CSMD1: variants seen among roughly 807,000 people sequenced by gnomAD.
The protein encoded by CSMD1 is CUB and sushi domain-containing protein 1.
CSMD1 carries 213 observed loss-of-function variants against 417.5 expected under a neutral mutation model. That is an observed-to-expected ratio of 0.51 (90% CI 0.46 to 0.57). CSMD1 has a LOEUF of 0.57. Among genes scored for constraint, CSMD1 ranks in the 20% least tolerant of loss-of-function variants. The pLI, the probability that CSMD1 is intolerant of heterozygous loss-of-function variation, is 0.00. For missense variants in CSMD1, 6,923 were observed against 4,529.7 expected, an observed-to-expected ratio of 1.53 and a Z score of -15.17; for synonymous variants, 2,862 against 1,736.8, an observed-to-expected ratio of 1.65 and a Z score of -16.11.
chr8:4,743,044 G>C (rs996281030), intron 1 of CSMD1, among the ~76,000 whole-genome samples: 3 of 152,080 alleles, frequency 2.0e-5, no homozygotes, highest in African/African-American at 7.2e-5. Context: ...AAGTGTTTTT[G>C]TTTGTATTTT....
At chr8:4,061,232 A>T (rs1384109818) in intron 3 of CSMD1, among the ~76,000 whole-genome samples, 1 of 152,216 alleles carries the variant, frequency 6.6e-6, no homozygotes, top group Admixed American at 6.5e-5. Context: ...ATTAGAGAGG[A>T]AAGAGGAGCT....
intron 2 of CSMD1, among the ~76,000 whole-genome samples, chr8:4,524,813 G>A (rs1423589390): frequency 1.3e-5 from 2 of 151,974 alleles, no homozygotes; most frequent in African/African-American, 4.8e-5. Context: ...AGTCAAAATT[G>A]TGCATTTTTT....
chr8:3,104,733 A>T (rs1466169371), intron 46 of CSMD1, among the ~76,000 whole-genome samples: 2 of 139,576 alleles, frequency 1.4e-5, no homozygotes, highest in Admixed American at 7.5e-5. Context: ...TTTGAGACAG[A>T]GTTTTGCTGT....
chr8:4,376,572 G>C (rs1000744307), intron 3 of CSMD1, among the ~76,000 whole-genome samples: 4 of 151,872 alleles, frequency 2.6e-5, no homozygotes, highest in Non-Finnish European at 5.9e-5. Context: ...CCTGTTTGTT[G>C]TTGTTACAAC....
chr8:4,903,003 TATTAATAATAAATAA>T (rs1804987968), intron 1 of CSMD1, among the ~76,000 whole-genome samples: 1 of 131,182 alleles, frequency 7.6e-6, no homozygotes, highest in African/African-American at 3.2e-5. Flanking sequence ...TGATAAATAA[TATTAATAATAAATAA>T]ATAAATAAAT....
At chr8:4,095,153 C>T (rs1444128582) in intron 3 of CSMD1, among the ~76,000 whole-genome samples, 3 of 152,110 alleles carry the variant, frequency 2.0e-5, no homozygotes, top group South Asian at 2.1e-4. Context: ...GTAGGATGTG[C>T]TGAGAAGTTG....
chr8:4,768,869 C>T (rs1343552557), intron 1 of CSMD1, among the ~76,000 whole-genome samples: 5 of 152,138 alleles, frequency 3.3e-5, no homozygotes, highest in African/African-American at 1.2e-4. Flanking sequence ...GACATGACTT[C>T]CACTTCTCCC....
At chr8:4,932,042 C>T (rs1807282984) in intron 1 of CSMD1, among the ~76,000 whole-genome samples, 1 of 152,092 alleles carries the variant, frequency 6.6e-6, no homozygotes, top group Admixed American at 6.5e-5. Flanking sequence ...ATGCATATTG[C>T]TAACATTTCT....
At chr8:3,872,732 C>T (rs2129113908) in intron 5 of CSMD1, among the ~76,000 whole-genome samples, 1 of 151,634 alleles carries the variant, frequency 6.6e-6, no homozygotes, top group African/African-American at 2.4e-5. Context: ...ACAGAGTGAA[C>T]AGATAACCTT....
intron 5 of CSMD1, among the ~76,000 whole-genome samples, chr8:3,916,816 G>T (rs11994075): frequency 2.6e-5 from 4 of 152,048 alleles, no homozygotes; most frequent in Middle Eastern, 3.2e-3. Context: ...GATGGATTAT[G>T]GGGGGTGGTC....
intron 7 of CSMD1, among the ~76,000 whole-genome samples, chr8:3,680,791 A>G (rs571272619): frequency 6.6e-6 from 1 of 152,342 alleles, no homozygotes; most frequent in African/African-American, 2.4e-5. Context: ...AATTCTCAAT[A>G]AAATACTGGC....
In CSMD1 at chr8:4,860,572, C is replaced by A. The variant is rs564127747; in HGVS notation, c.85+133760G>T. Reference sequence around the variant, plus strand: ...CGTGCCATGCTTTCTGTACAGCCTGCAGAATCATGAGCCAATTAAAACTCT... The same window carrying A: ...CGTGCCATGCTTTCTGTACAGCCTGAAGAATCATGAGCCAATTAAAACTCT... On this transcript the variant is annotated intron_variant, in intron 1 of 69. Transcript: ENST00000635120. Among the ~76,000 whole-genome samples the A allele has an allele frequency of 9.9e-5, 15 of 152,180 alleles. No homozygotes were observed. The South Asian group carries it at 3.1e-3, about 32-fold the overall frequency.
intron 3 of CSMD1, among the ~76,000 whole-genome samples, chr8:4,156,154 G>A (rs538854234): frequency 2.6e-5 from 4 of 152,136 alleles, no homozygotes; most frequent in African/African-American, 7.2e-5. Flanking sequence ...CCACCCAGAG[G>A]CAATTCGTTG....
intron 34 of CSMD1, 99 bp from the exon 35 acceptor site, chr8:3,189,110 A>T: frequency 8.6e-7 from 1 of 1,161,296 alleles, no homozygotes; most frequent in Non-Finnish European, 1.2e-6. Context: ...AGTAAGAGAA[A>T]ATGTACATGA....
chr8:4,633,527 G>T (rs964346842), intron 2 of CSMD1, among the ~76,000 whole-genome samples: 1 of 151,008 alleles, frequency 6.6e-6, no homozygotes, highest in African/African-American at 2.4e-5. Flanking sequence ...GGGATTACAG[G>T]TAAGAGCCGC....
intron 2 of CSMD1, among the ~76,000 whole-genome samples, chr8:4,619,506 T>C (rs1202642921): frequency 2.6e-5 from 4 of 152,146 alleles, no homozygotes; most frequent in African/African-American, 7.2e-5. Flanking sequence ...AACTGCAAAA[T>C]GTCACTAACT....
At chr8:4,744,682 G>C (rs1785931791) in intron 1 of CSMD1, among the ~76,000 whole-genome samples, 1 of 152,132 alleles carries the variant, frequency 6.6e-6, no homozygotes, top group African/African-American at 2.4e-5. Flanking sequence ...GACCTTGTCA[G>C]ATATTATTTT....
At chr8:3,177,761 A>C (rs1456414000) in intron 37 of CSMD1, among the ~76,000 whole-genome samples, 1 of 152,208 alleles carries the variant, frequency 6.6e-6, no homozygotes, top group Admixed American at 6.5e-5. Context: ...GTTCAATAAC[A>C]GTCACTGCCA....
chr8:4,503,926 G>A (rs1383950305), intron 2 of CSMD1, among the ~76,000 whole-genome samples: 1 of 148,000 alleles, frequency 6.8e-6, no homozygotes, highest in Non-Finnish European at 1.5e-5. Context: ...ACCGAGGTCT[G>A]TAATGGAATC....
Sources: allele counts gnomAD v4.1 joint callset (sites outside exome capture counted in the v4.1 genomes callset), GRCh38; gene constraint gnomAD v4.1.1; transcripts MANE v1.5; gene names NCBI Gene and HGNC (gene_info 2026-07-23, HGNC 2026-07-21).